COPE: variants seen among roughly 807,000 people sequenced by gnomAD.
The protein encoded by COPE is coat protein complex I subunit epsilon, also known as coatomer subunit epsilon.
COPE carries 19 observed loss-of-function variants against 42.1 expected under a neutral mutation model. The ratio of observed to expected loss-of-function variants is 0.45; its 90% CI spans 0.31 to 0.66. The LOEUF (loss-of-function observed/expected upper bound fraction) is 0.66. Ranked by LOEUF, COPE falls within the 30% of genes least tolerant of loss-of-function variation. The pLI is 0.05. For synonymous variants in COPE, 195 were observed against 181.3 expected (o/e 1.08, Z -0.60); for missense variants, 402 against 416.1 (o/e 0.97, Z 0.30).
chr19:18,905,508 G>C, intron 5 of COPE, 68 bp downstream of exon 5: 1 of 1,373,306 alleles, frequency 7.3e-7, no homozygotes, highest in Non-Finnish European at 9.9e-7. Flanking sequence ...GCTCTGGGCT[G>C]TGACGCTCTG....
At chr19:18,908,011 AG>A (rs2056776684) in intron 3 of COPE, among the ~76,000 whole-genome samples, 2 of 152,312 alleles carry the variant, frequency 1.3e-5, no homozygotes, top group South Asian at 4.1e-4. Context: ...GGGATCATGC[AG>A]GGGAGGAGCA....
intron 3 of COPE, among the ~76,000 whole-genome samples, chr19:18,909,059 C>CTG (rs1347067938): frequency 6.6e-6 from 1 of 152,240 alleles, no homozygotes; most frequent in Non-Finnish European, 1.5e-5. Flanking sequence ...CCGGGGCGTC[C>CTG]TGCCAATGAG....
intron 4 of COPE, 113 bp downstream of exon 4, chr19:18,906,847 C>T: frequency 7.8e-7 from 1 of 1,280,190 alleles, no homozygotes; most frequent in Non-Finnish European, 1.0e-6. Flanking sequence ...CTCATTTCAG[C>T]ACCACCTTTC....
Position 18,899,626 on chromosome 19 carries a change from C to T in COPE, c.*53G>A. The T allele has an allele frequency of 6.2e-7, 1 of 1,606,622 alleles. No homozygotes were observed. The highest frequency in any genetic ancestry group is 8.5e-7 in the Non-Finnish European group (1 of 1,174,508). On this transcript the variant is annotated 3_prime_UTR_variant, in exon 10 of 10. Transcript: ENST00000262812. The stretch of plus-strand genomic sequence containing the variant: ...ATGCCGGGTGGGGAGGGCTGCAGGG[C>T]TGGCTCCTGGCCTCTGTCCTGGCTT...
At chr19:18,908,379 G>A (rs2056779795) in intron 3 of COPE, among the ~76,000 whole-genome samples, 1 of 151,938 alleles carries the variant, frequency 6.6e-6, no homozygotes, top group South Asian at 2.1e-4. Context: ...GTGAGCTGTG[G>A]TCACACCTCT....
At chr19:18,904,983 T>G in intron 5 of COPE, 131 bp from the exon 6 acceptor site, 1 of 881,456 alleles carries the variant, frequency 1.1e-6, no homozygotes, top group Non-Finnish European at 1.8e-6. Context: ...TGCATGCTCA[T>G]ACCCCACGAC....
intron 5 of COPE, 51 bp downstream of exon 5, chr19:18,905,525 G>A (rs1392203020): frequency 6.5e-7 from 1 of 1,536,786 alleles, no homozygotes; most frequent in South Asian, 1.2e-5. Flanking sequence ...TCTGGGCTGT[G>A]ACGCTCTGGG....
At position 18,919,365 on chromosome 19, in the gene COPE, C is replaced by G. The variant is rs1056026935; in HGVS notation, c.-17G>C. 21 of 1,611,510 alleles carry G rather than the reference C, an allele frequency of 1.3e-5. No homozygotes were observed. The highest frequency in any genetic ancestry group is 1.8e-5 in the Non-Finnish European group (21 of 1,179,074). On this transcript the variant is annotated 5_prime_UTR_variant, in exon 1 of 10. Coordinates refer to ENST00000262812, the MANE Select transcript of COPE (RefSeq NM_007263.4). ...AGGCGCCATTTCGCTGTCTTCTCAC[C>G]AGCTCCTCTTCCTGAAAGACACGTC...
At chr19:18,917,241 C>CTTTTTTTTTTTTTT (rs531312180) in intron 1 of COPE, among the ~76,000 whole-genome samples, 5 of 110,666 alleles carry the variant, frequency 4.5e-5, no homozygotes, top group Admixed American at 1.0e-4. Flanking sequence ...TTCTTTTTTT[C>CTTTTTTTTTTTTTT]TTTTTTTTTT....
At chr19:18,907,670 G>A (rs2056773455) in intron 3 of COPE, among the ~76,000 whole-genome samples, 2 of 152,202 alleles carry the variant, frequency 1.3e-5, no homozygotes, top group African/African-American at 4.8e-5. Context: ...CAGCTCCGAG[G>A]GCACAGGTCA....
At position 18,913,018 on chromosome 19, in the gene COPE, C is replaced by T. The variant is rs761274738; in HGVS notation, c.155G>A (p.Arg52Lys). The T allele has an allele frequency of 1.9e-6, 3 of 1,611,814 alleles. No homozygotes were observed. Among genetic ancestry groups the T allele is most frequent in the Non-Finnish European group, 2.5e-6 (3 of 1,179,904 alleles). The change falls in exon 2 of 10, where the codon AGG (arginine) becomes AAG (lysine). Residue 52 changes from arginine (R) to lysine (K), a missense_variant. Arg to Lys is a conservative substitution (Grantham distance 26). Coordinates refer to ENST00000262812, the MANE Select transcript of COPE (RefSeq NM_007263.4). ...KLSSPERDVE[R>K]DVFLYRAYLA... ...GTACGCTCTATACAGGAAGACGTCC[C>T]TCTCCACGTCTCTCTCTGGGCTTGA... is the stretch of plus-strand genomic sequence containing the variant.
At chr19:18,902,988 C>A (rs1354057981) in intron 7 of COPE, among the ~76,000 whole-genome samples, 1 of 151,768 alleles carries the variant, frequency 6.6e-6, no homozygotes, top group Non-Finnish European at 1.5e-5. Context: ...GTCCCACTTG[C>A]AGGTCCCGGG....
At chr19:18,907,159 G>A in intron 3 of COPE, 47 bp from the exon 4 acceptor site, 2 of 1,587,002 alleles carry the variant, frequency 1.3e-6, no homozygotes, top group Non-Finnish European at 1.7e-6. Flanking sequence ...TGGCCTCTGT[G>A]GGACCTCAGA....
intron 3 of COPE, among the ~76,000 whole-genome samples, chr19:18,908,291 C>T (rs1228441028): frequency 6.6e-6 from 1 of 151,798 alleles, no homozygotes; most frequent in Non-Finnish European, 1.5e-5. Context: ...GTCAGCTGGG[C>T]CTGGTGGCGC....
At chr19:18,900,847 A>G (rs2056692094) in intron 7 of COPE, among the ~76,000 whole-genome samples, 1 of 152,294 alleles carries the variant, frequency 6.6e-6, no homozygotes, top group Admixed American at 6.5e-5. Flanking sequence ...AGACCTCGGC[A>G]GGGGACCTTG....
chr19:18,911,284 T>G lies in COPE; in HGVS notation c.190-213A>C, dbSNP rs556322877. ...TGTGCCCTCATCTGCAGGGCCACAC[T>G]GCCCATGCCTTGAGCTAGGGACCCT... On this transcript the variant is annotated intron_variant, in intron 2 of 9. Transcript: ENST00000262812. 6.5e-4 allele frequency: 375 copies of G among 575,554 alleles called. 3 individuals are homozygous for G. Among genetic ancestry groups the G allele is most frequent in the Middle Eastern group, 5.5e-3 (17 of 3,072 alleles). 35.7% of individuals were successfully genotyped at this position (575,554 alleles called of 1,614,324 possible).
intron 6 of COPE, among the ~76,000 whole-genome samples, chr19:18,903,967 G>A (rs2056733809): frequency 6.6e-6 from 1 of 152,198 alleles, no homozygotes; most frequent in South Asian, 2.1e-4. Flanking sequence ...GGGACGGGGA[G>A]CACATTTTTT....
chr19:18,916,871 C>T lies in COPE; in HGVS notation c.126+2352G>A, dbSNP rs1405525608. ...AGCCACTTGGGAGGCTGAGGCAGGA[C>T]AATCGCTTGAACCCAGGAGGAGGAG... On this transcript the variant is annotated intron_variant, in intron 1 of 9. Coordinates refer to ENST00000262812, the MANE Select transcript of COPE (RefSeq NM_007263.4). 3.7e-5 allele frequency among the ~76,000 whole-genome samples: 5 copies of T among 136,864 alleles called. No homozygotes were observed. In the East Asian group the frequency reaches 1.1e-3, roughly 30 times the overall value. 89.8% of individuals were successfully genotyped at this position (136,864 alleles called of 152,430 possible).
intron 3 of COPE, among the ~76,000 whole-genome samples, chr19:18,909,170 T>TG (rs920826810): frequency 2.0e-5 from 3 of 152,232 alleles, no homozygotes; most frequent in African/African-American, 7.2e-5. Context: ...CTGCTGCTCC[T>TG]GGGGGACCCA....
Sources: gnomAD v4.1 joint callset for allele counts (sites outside exome capture counted in the v4.1 genomes callset) on GRCh38, gnomAD v4.1.1 for gene constraint, MANE v1.5 for transcripts, NCBI Gene and HGNC (gene_info 2026-07-23, HGNC 2026-07-21) for gene names.